Variants in SGPL1 observed in about 807,000 individuals in gnomAD.
The protein encoded by SGPL1 is sphingosine-1-phosphate lyase 1, also known as SP-lyase 1.
A neutral mutation model predicts 68.9 loss-of-function variants in SGPL1; 37 were observed. That is an observed-to-expected ratio of 0.54 (90% CI 0.41 to 0.71). The LOEUF (loss-of-function observed/expected upper bound fraction) is 0.71, where lower values mean the gene tolerates loss of function less well. Ranked by LOEUF, SGPL1 falls within the 30% of genes least tolerant of loss-of-function variation. The pLI is 0.00. For missense variants in SGPL1, 551 were observed against 704.6 expected (o/e 0.78, Z 2.47); for synonymous variants, 236 against 248.5 (o/e 0.95, Z 0.47).
intron 2 of SGPL1, among the ~76,000 whole-genome samples, chr10:70,827,858 G>A (rs962064505): frequency 6.6e-6 from 1 of 152,126 alleles, no homozygotes. Flanking sequence ...TAGTTTTGCT[G>A]ATTTTGAACT....
chr10:70,840,174 C>A (rs1190132569), intron 2 of SGPL1, among the ~76,000 whole-genome samples: 1 of 152,086 alleles, frequency 6.6e-6, no homozygotes, highest in Non-Finnish European at 1.5e-5. Flanking sequence ...CCCATGAATA[C>A]TGAAAATCAA....
intron 7 of SGPL1, among the ~76,000 whole-genome samples, chr10:70,865,919 A>G (rs865892755): frequency 1.3e-5 from 2 of 152,238 alleles, no homozygotes; most frequent in Non-Finnish European, 1.5e-5. Context: ...TCATATGTTA[A>G]AGTGAGAGTT....
intron 2 of SGPL1, 81 bp downstream of exon 2, chr10:70,816,961 T>A: frequency 7.8e-7 from 1 of 1,282,470 alleles, no homozygotes; most frequent in Admixed American, 1.7e-5. Flanking sequence ...GTGTGTAGAT[T>A]TCACCTCTGA....
chr10:70,858,652 A>G (rs1454312155), intron 6 of SGPL1, among the ~76,000 whole-genome samples: 1 of 152,218 alleles, frequency 6.6e-6, no homozygotes, highest in Non-Finnish European at 1.5e-5. Context: ...TCAGGTTCTT[A>G]TGCAGCAGAG....
At chr10:70,861,433 A>T in intron 7 of SGPL1, among the ~76,000 whole-genome samples, 1 of 152,146 alleles carries the variant, frequency 6.6e-6, no homozygotes, top group East Asian at 1.9e-4. Flanking sequence ...CTGTAAATTG[A>T]AAATTGCTGG....
chr10:70,818,911 AT>A (rs1845287847), intron 2 of SGPL1, among the ~76,000 whole-genome samples: 3 of 152,176 alleles, frequency 2.0e-5, no homozygotes, highest in Admixed American at 2.0e-4. Context: ...TATCTCCTAC[AT>A]CCCCTTCATT....
At chr10:70,876,774 C>A in intron 14 of SGPL1, 113 bp downstream of exon 14, 1 of 961,782 alleles carries the variant, frequency 1.0e-6, no homozygotes, top group Non-Finnish European at 1.6e-6. Context: ...TTGCCACAGA[C>A]ATCTTTTATT....
rs756302286 is a variant in SGPL1 at position 70,873,451 on chromosome 10, A to G, written c.1160A>G (p.Tyr387Cys). The G allele has an allele frequency of 2.5e-6, 4 of 1,614,260 alleles. No homozygotes were observed. The highest frequency in any genetic ancestry group is 2.5e-6 in the Non-Finnish European group (3 of 1,180,038). Residue 387 changes from tyrosine to cysteine, a missense_variant, in exon 12 of 15, where the codon TAT (tyrosine) becomes TGT (cysteine). Coordinates refer to ENST00000373202, the MANE Select transcript of SGPL1 (RefSeq NM_003901.4). ...GATACAGATTGGCAGGGTGGCATCT[A>G]TGCTTCCCCAACCATCGCAGGCTCA... Reference protein sequence around the residue: ...FVDTDWQGGIYASPTIAGSRP... With the variant: ...FVDTDWQGGICASPTIAGSRP...
At chr10:70,860,216 C>T (rs896794068) in intron 7 of SGPL1, among the ~76,000 whole-genome samples, 12 of 152,072 alleles carry the variant, frequency 7.9e-5, no homozygotes, top group African/African-American at 2.4e-4. Flanking sequence ...TTAGAAAAAA[C>T]GAAATCTCAG....
chr10:70,870,326 T>TG, intron 9 of SGPL1, among the ~76,000 whole-genome samples: 1 of 151,868 alleles, frequency 6.6e-6, no homozygotes, highest in Non-Finnish European at 1.5e-5. Flanking sequence ...AGCAACATAG[T>TG]GAGACCCCAT....
At position 70,872,868 on chromosome 10, in the gene SGPL1, T is replaced by A. The variant is rs1334349775; in HGVS notation, c.1060-483T>A. ...TTACATAGTTAATTTTAAAGCTGGATTAAGTAGCTTTTAGTTTCTGAGCAC... is the reference window on the plus strand; with the variant it reads ...TTACATAGTTAATTTTAAAGCTGGAATAAGTAGCTTTTAGTTTCTGAGCAC... On this transcript the variant is annotated intron_variant, in intron 11 of 14. Coordinates refer to ENST00000373202, the MANE Select transcript of SGPL1 (RefSeq NM_003901.4). Among the ~76,000 whole-genome samples the A allele has an allele frequency of 5.9e-5, 9 of 152,322 alleles. No individual in the cohort carries two copies. In the East Asian group the frequency reaches 1.7e-3, roughly 29 times the overall value.
intron 5 of SGPL1, among the ~76,000 whole-genome samples, chr10:70,855,484 C>T (rs1424785830): frequency 2.0e-5 from 3 of 152,176 alleles, no homozygotes; most frequent in African/African-American, 4.8e-5. Context: ...ATGCCTTTGG[C>T]GAGTTACTTC....
chr10:70,853,865 G>A (rs767335702), intron 4 of SGPL1, among the ~76,000 whole-genome samples: 16 of 152,318 alleles, frequency 1.1e-4, no homozygotes, highest in Non-Finnish European at 2.2e-4. Context: ...GCAGTTCTTA[G>A]AATGCCTTGT....
intron 7 of SGPL1, among the ~76,000 whole-genome samples, chr10:70,862,822 C>G (rs907528349): frequency 6.6e-6 from 1 of 152,156 alleles, no homozygotes; most frequent in African/African-American, 2.4e-5. Flanking sequence ...AGACGTGCTA[C>G]CTTAAGAGCT....
chr10:70,857,286 CA>C, intron 5 of SGPL1: 1 of 312,646 alleles, frequency 3.2e-6, no homozygotes, highest in Non-Finnish European at 6.1e-6. Context: ...ATATAGAGAA[CA>C]AAAAATAAGT....
At chr10:70,823,469 T>TG (rs1440442225) in intron 2 of SGPL1, among the ~76,000 whole-genome samples, 3 of 150,868 alleles carry the variant, frequency 2.0e-5, no homozygotes, top group Non-Finnish European at 2.9e-5. Flanking sequence ...ACTATTTTGT[T>TG]GAAAAGGTTT....
chr10:70,838,366 A>G (rs1443546352), intron 2 of SGPL1, among the ~76,000 whole-genome samples: 1 of 152,218 alleles, frequency 6.6e-6, no homozygotes, highest in Non-Finnish European at 1.5e-5. Context: ...AGGGGTGGAT[A>G]GTGCTACTAT....
At chr10:70,844,992 C>T (rs1426876459) in intron 3 of SGPL1, among the ~76,000 whole-genome samples, 1 of 152,276 alleles carries the variant, frequency 6.6e-6, no homozygotes, top group East Asian at 1.9e-4. Flanking sequence ...CCCACCTCGG[C>T]CTCCCAAAGT....
At chr10:70,818,252 C>T (rs1287876177) in intron 2 of SGPL1, among the ~76,000 whole-genome samples, 2 of 152,114 alleles carry the variant, frequency 1.3e-5, no homozygotes, top group Non-Finnish European at 2.9e-5. Flanking sequence ...TCCCGGGTAG[C>T]TGGGATTATA....
Sources: allele counts gnomAD v4.1 joint callset (sites outside exome capture counted in the v4.1 genomes callset), GRCh38; gene constraint gnomAD v4.1.1; transcripts MANE v1.5; gene names NCBI Gene and HGNC (gene_info 2026-07-23, HGNC 2026-07-21).